ARHGAP24: variants seen among roughly 807,000 people sequenced by gnomAD.
ARHGAP24 encodes Rho GTPase activating protein 24.
ARHGAP24 carries 50 observed loss-of-function variants against 76.4 expected under a neutral mutation model. That is an observed-to-expected ratio of 0.65 (90% CI 0.52 to 0.83). The LOEUF (loss-of-function observed/expected upper bound fraction) is 0.83. Ranked by LOEUF, ARHGAP24 falls within the 40% of genes least tolerant of loss-of-function variation. The pLI is 0.00. For synonymous variants in ARHGAP24, 345 were observed against 323.3 expected (o/e 1.07, Z -0.72); for missense variants, 930 against 914.2 (o/e 1.02, Z -0.22).
At chr4:85,772,910 C>A (rs982650321) in intron 3 of ARHGAP24, among the ~76,000 whole-genome samples, 3 of 148,120 alleles carry the variant, frequency 2.0e-5, no homozygotes, top group African/African-American at 7.3e-5. Flanking sequence ...CTCAAAGAGA[C>A]AGGCAGTTTA....
chr4:85,552,578 C>T (rs10030385), intron 1 of ARHGAP24, among the ~76,000 whole-genome samples: 148,503 of 152,198 alleles, frequency 0.98, 72,566 homozygotes, highest in East Asian at 1. Flanking sequence ...TTTTTGTTAA[C>T]TTTGTGCCTC....
chr4:85,560,067 G>A, intron 1 of ARHGAP24, among the ~76,000 whole-genome samples: 1 of 152,106 alleles, frequency 6.6e-6, no homozygotes, highest in Non-Finnish European at 1.5e-5. Context: ...AATTAATAAT[G>A]TCTGCCTTGG....
At chr4:85,658,944 T>C (rs960355279) in intron 2 of ARHGAP24, among the ~76,000 whole-genome samples, 1 of 152,156 alleles carries the variant, frequency 6.6e-6, no homozygotes, top group South Asian at 2.1e-4. Flanking sequence ...GCAGAGCTGA[T>C]AGGATTTGCT....
Position 85,676,511 on chromosome 4 carries a change from A to G in ARHGAP24, c.181-45374A>G, listed in dbSNP as rs565559769. On this transcript the variant is annotated intron_variant, in intron 2 of 9. Coordinates refer to ENST00000395184, the MANE Select transcript of ARHGAP24 (RefSeq NM_001025616.3). The stretch of plus-strand genomic sequence containing the variant: ...GTCTGGGTTTAGGGGTGGAGTTGGT[A>G]GTGTTGGGTAAGTGGAGGGTCTGAA... Among the ~76,000 whole-genome samples the G allele has an allele frequency of 7.9e-4, 121 of 152,236 alleles. 2 individuals carry two copies. Among genetic ancestry groups the G allele is most frequent in the African/African-American group, 2.0e-3 (85 of 41,532 alleles).
chr4:85,966,736 G>A (rs747531123), intron 5 of ARHGAP24, among the ~76,000 whole-genome samples: 55 of 152,082 alleles, frequency 3.6e-4, no homozygotes, highest in Non-Finnish European at 4.9e-4. Flanking sequence ...TCTCATGTAC[G>A]TTCTCCCTGG....
chr4:85,931,476 C>T (rs756095430), intron 4 of ARHGAP24, among the ~76,000 whole-genome samples: 1 of 152,152 alleles, frequency 6.6e-6, no homozygotes. Flanking sequence ...GCTTGCCTCA[C>T]CTCCCCTGTT....
chr4:85,904,990 C>T (rs773754258), intron 3 of ARHGAP24, among the ~76,000 whole-genome samples: 1 of 152,092 alleles, frequency 6.6e-6, no homozygotes, highest in African/African-American at 2.4e-5. Context: ...TAGAATGAAA[C>T]CTAACATAGT....
chr4:85,976,713 C>T (rs1185723121), intron 7 of ARHGAP24, among the ~76,000 whole-genome samples: 2 of 151,612 alleles, frequency 1.3e-5, no homozygotes, highest in East Asian at 3.9e-4. Context: ...TAAATAGAAA[C>T]AGTTTGCATT....
At chr4:85,850,326 G>C (rs1362629930) in intron 3 of ARHGAP24, among the ~76,000 whole-genome samples, 4 of 152,048 alleles carry the variant, frequency 2.6e-5, no homozygotes, top group Non-Finnish European at 5.9e-5. Context: ...GCATCTATTT[G>C]ATTCTTCTCT....
intron 3 of ARHGAP24, among the ~76,000 whole-genome samples, chr4:85,852,937 C>G (rs1213445385): frequency 2.0e-5 from 3 of 152,216 alleles, no homozygotes; most frequent in Admixed American, 6.5e-5. Flanking sequence ...GTCAGGGACC[C>G]ACTTGAGGAG....
intron 3 of ARHGAP24, among the ~76,000 whole-genome samples, chr4:85,773,341 G>A (rs952675902): frequency 1.3e-5 from 2 of 152,106 alleles, no homozygotes; most frequent in Non-Finnish European, 2.9e-5. Context: ...TTTCCTTGAG[G>A]ATAAAAACCA....
At chr4:85,701,344 T>A (rs1483509355) in intron 2 of ARHGAP24, among the ~76,000 whole-genome samples, 1 of 152,182 alleles carries the variant, frequency 6.6e-6, no homozygotes, top group East Asian at 1.9e-4. Context: ...GTAAGTTCTT[T>A]AGTGGTGATT....
chr4:85,674,852 A>G (rs776178117), intron 2 of ARHGAP24, among the ~76,000 whole-genome samples: 2 of 152,186 alleles, frequency 1.3e-5, no homozygotes, highest in Admixed American at 6.6e-5. Context: ...TTTTGTTACT[A>G]TTTGTCTGAG....
At chr4:85,958,560 A>G (rs958745027) in intron 5 of ARHGAP24, among the ~76,000 whole-genome samples, 10 of 152,222 alleles carry the variant, frequency 6.6e-5, no homozygotes, top group African/African-American at 2.4e-4. Flanking sequence ...TAAGATACCT[A>G]TAAGATTTTA....
intron 3 of ARHGAP24, among the ~76,000 whole-genome samples, chr4:85,898,033 GTATA>G (rs61576453): frequency 0.064 from 8,571 of 134,534 alleles, 468 homozygotes; most frequent in East Asian, 0.37. Flanking sequence ...ACATATATGT[GTATA>G]TATATATATA....
intron 2 of ARHGAP24, among the ~76,000 whole-genome samples, chr4:85,678,174 C>G (rs577586610): frequency 1.6e-4 from 25 of 152,210 alleles, no homozygotes; most frequent in Admixed American, 1.1e-3. Flanking sequence ...TTCAGGACTA[C>G]TCTGGGCACC....
At chr4:85,475,654 AG>A (rs1260243252) in intron 1 of ARHGAP24, 95 bp downstream of exon 1, 6 of 32,846 alleles carry the variant, frequency 1.8e-4, no homozygotes, top group African/African-American at 4.3e-4. Context: ...GGGGGCGGGG[AG>A]GGGGCTGCGG....
intron 2 of ARHGAP24, among the ~76,000 whole-genome samples, chr4:85,595,864 C>T (rs1719816681): frequency 6.6e-6 from 1 of 151,888 alleles, no homozygotes; most frequent in East Asian, 1.9e-4. Flanking sequence ...ATTGGTCATA[C>T]TATAGTAATT....
At chr4:85,888,856 A>G (rs1431176309) in intron 3 of ARHGAP24, among the ~76,000 whole-genome samples, 1 of 152,114 alleles carries the variant, frequency 6.6e-6, no homozygotes, top group Non-Finnish European at 1.5e-5. Context: ...GCTCCCACTT[A>G]TAAATAAGAA....
Sources: gnomAD v4.1 joint callset for allele counts (sites outside exome capture counted in the v4.1 genomes callset) on GRCh38, gnomAD v4.1.1 for gene constraint, MANE v1.5 for transcripts, NCBI Gene and HGNC (gene_info 2026-07-23, HGNC 2026-07-21) for gene names.